The following FSIP1 variants were observed in gnomAD, a reference collection of about 807,000 sequenced individuals.
FSIP1 encodes the protein fibrous sheath-interacting protein 1.
In FSIP1, 65 loss-of-function variants were observed where a neutral mutation model predicts 60.9. That is an observed-to-expected ratio of 1.07 (90% confidence interval 0.87 to 1.31). The LOEUF (loss-of-function observed/expected upper bound fraction) is 1.31. Among genes scored for constraint, FSIP1 ranks in the 40% most tolerant of loss-of-function variants. The pLI is 0.00. For synonymous variants in FSIP1, 209 were observed against 221.2 expected, an observed-to-expected ratio of 0.94 and a Z score of 0.49; for missense variants, 675 against 665.5, an observed-to-expected ratio of 1.01 and a Z score of -0.16.
chr15:39,713,109 A>C (rs1895589907), intron 10 of FSIP1, among the ~76,000 whole-genome samples: 1 of 152,212 alleles, frequency 6.6e-6, no homozygotes, highest in African/African-American at 2.4e-5. Context: ...TAAATTGCTT[A>C]AATTAAGAAT....
intron 11 of FSIP1, among the ~76,000 whole-genome samples, chr15:39,617,112 G>C (rs1466372491): frequency 6.6e-6 from 1 of 152,138 alleles, no homozygotes; most frequent in African/African-American, 2.4e-5. Flanking sequence ...ATATTTTAGA[G>C]TAATCTACAA....
intron 7 of FSIP1, among the ~76,000 whole-genome samples, chr15:39,739,356 T>G (rs1001341086): frequency 6.6e-6 from 1 of 152,232 alleles, no homozygotes; most frequent in East Asian, 1.9e-4. Flanking sequence ...TGAGAAACAT[T>G]GTCCAAAGCT....
chr15:39,710,441 G>GA (rs397945950), intron 10 of FSIP1, among the ~76,000 whole-genome samples: 2,714 of 74,174 alleles, frequency 0.037, 80 homozygotes, highest in African/African-American at 0.082. Context: ...CTCTGTCTCA[G>GA]AAAAAAAAAA....
At chr15:39,775,565 G>T (rs1898026471) in intron 2 of FSIP1, among the ~76,000 whole-genome samples, 1 of 152,158 alleles carries the variant, frequency 6.6e-6, no homozygotes, top group South Asian at 2.1e-4. Flanking sequence ...TTTTGACTCT[G>T]TGTCCCCACC....
intron 10 of FSIP1, among the ~76,000 whole-genome samples, chr15:39,669,487 T>A (rs1893634051): frequency 6.6e-6 from 1 of 152,212 alleles, no homozygotes; most frequent in Non-Finnish European, 1.5e-5. Context: ...CTTAATTACA[T>A]ATTTGAAGTG....
intron 10 of FSIP1, among the ~76,000 whole-genome samples, chr15:39,676,009 C>CAA (rs10706666): frequency 4.7e-4 from 69 of 145,644 alleles, no homozygotes; most frequent in African/African-American, 1.7e-3. Flanking sequence ...ACTAAAAATA[C>CAA]AAAAAAAAAA....
chr15:39,671,532 C>T (rs1893719876), intron 10 of FSIP1, among the ~76,000 whole-genome samples: 2 of 152,094 alleles, frequency 1.3e-5, no homozygotes, highest in African/African-American at 4.8e-5. Context: ...TATGCTACTA[C>T]CCCACTCCTG....
rs77605854 is a variant in FSIP1 at position 39,630,880 on chromosome 15, C to T, written c.1189-12635G>A. ...TCCGGCATCTGAAAATGTGATACCA[C>T]AGAGCAGCCTAGTAAGGGGAGCCCC... On this transcript the variant is annotated intron_variant, in intron 10 of 11. Transcript: ENST00000350221. Among the ~76,000 whole-genome samples, 1,246 of 152,304 alleles carry T rather than the reference C, an allele frequency of 8.2e-3. 23 individuals carry two copies. Among genetic ancestry groups the T allele is most frequent in the African/African-American group, 0.029 (1,190 of 41,568 alleles).
chr15:39,676,386 T>G (rs1281306563), intron 10 of FSIP1, among the ~76,000 whole-genome samples: 2 of 152,190 alleles, frequency 1.3e-5, no homozygotes, highest in South Asian at 2.1e-4. Flanking sequence ...AGATAATTTT[T>G]GGGCCCAGTA....
At chr15:39,751,459 A>G (rs1223655722) in intron 5 of FSIP1, among the ~76,000 whole-genome samples, 1 of 150,966 alleles carries the variant, frequency 6.6e-6, no homozygotes, top group African/African-American at 2.4e-5. Flanking sequence ...ACACACAGGA[A>G]TATTACTCAG....
At chr15:39,614,644 CAAAA>C (rs35512322) in intron 11 of FSIP1, among the ~76,000 whole-genome samples, 10 of 96,340 alleles carry the variant, frequency 1.0e-4, no homozygotes, top group African/African-American at 1.9e-4. Context: ...GACTCCATCT[CAAAA>C]AAAAAAAAAA....
chr15:39,601,908 T>C (rs528761358), intron 11 of FSIP1, among the ~76,000 whole-genome samples: 3 of 152,178 alleles, frequency 2.0e-5, no homozygotes, highest in Admixed American at 2.0e-4. Context: ...TGGGAAGTGA[T>C]TACTAATACC....
intron 11 of FSIP1, among the ~76,000 whole-genome samples, chr15:39,604,359 C>A (rs1400554433): frequency 6.6e-6 from 1 of 152,154 alleles, no homozygotes; most frequent in Non-Finnish European, 1.5e-5. Flanking sequence ...GCAACAGAAC[C>A]AGAAGTTTCC....
intron 10 of FSIP1, among the ~76,000 whole-genome samples, chr15:39,648,161 A>C (rs1892702045): frequency 7.0e-6 from 1 of 143,644 alleles, no homozygotes; most frequent in Non-Finnish European, 1.5e-5. Flanking sequence ...TAAAACTTAA[A>C]GTATAATAAA....
chr15:39,705,015 T>C (rs1014277978), intron 10 of FSIP1, among the ~76,000 whole-genome samples: 16 of 152,042 alleles, frequency 1.1e-4, no homozygotes, highest in Admixed American at 7.2e-4. Context: ...AGACTTCAAA[T>C]GATGAAGAAA....
intron 8 of FSIP1, among the ~76,000 whole-genome samples, chr15:39,727,586 T>C (rs1025612439): frequency 1.3e-5 from 2 of 152,214 alleles, no homozygotes; most frequent in African/African-American, 2.4e-5. Context: ...AAGTGCTGAA[T>C]GGCTGAACTA....
At chr15:39,777,197 G>A (rs1207042624) in intron 1 of FSIP1, among the ~76,000 whole-genome samples, 2 of 151,980 alleles carry the variant, frequency 1.3e-5, no homozygotes, top group Non-Finnish European at 2.9e-5. Context: ...GTCTCCCAAA[G>A]TCCCCCTGCT....
intron 11 of FSIP1, among the ~76,000 whole-genome samples, chr15:39,610,980 A>T (rs959905937): frequency 4.4e-4 from 67 of 152,366 alleles, no homozygotes; most frequent in African/African-American, 1.5e-3. Flanking sequence ...TGCTAAAGGG[A>T]GCTAAGCTGA....
chr15:39,700,279 C>G (rs1895003765), intron 10 of FSIP1, among the ~76,000 whole-genome samples: 1 of 152,126 alleles, frequency 6.6e-6, no homozygotes, highest in South Asian at 2.1e-4. Context: ...TTCACATTTT[C>G]CACAAAGCCT....
Sources: gnomAD v4.1 joint callset for allele counts (sites outside exome capture counted in the v4.1 genomes callset) on GRCh38, gnomAD v4.1.1 for gene constraint, MANE v1.5 for transcripts, NCBI Gene and HGNC (gene_info 2026-07-23, HGNC 2026-07-21) for gene names.